GREM2: variants seen among roughly 807,000 people sequenced by gnomAD.
The protein encoded by GREM2 is gremlin 2, DAN family BMP antagonist.
In GREM2, 11 loss-of-function variants were observed where a neutral mutation model predicts 14.2. The ratio of observed to expected loss-of-function variants is 0.78; its 90% CI spans 0.49 to 1.28. The LOEUF is 1.28. GREM2 is among the 50% of genes most tolerant of loss of function. GREM2 has a pLI of 0.00. For missense variants in GREM2, 210 were observed against 218.5 expected, an observed-to-expected ratio of 0.96 and a Z score of 0.24; for synonymous variants, 98 against 97.6, an observed-to-expected ratio of 1.00 and a Z score of -0.02.
intron 1 of GREM2, among the ~76,000 whole-genome samples, chr1:240,563,515 C>G (rs1204172861): frequency 6.6e-6 from 1 of 152,100 alleles, no homozygotes; most frequent in East Asian, 1.9e-4. Flanking sequence ...TGTTCCGTGC[C>G]CAGCTATTAA....
At chr1:240,608,271 A>G (rs1199665602) in intron 1 of GREM2, among the ~76,000 whole-genome samples, 1 of 152,250 alleles carries the variant, frequency 6.6e-6, no homozygotes, top group Non-Finnish European at 1.5e-5. Context: ...TTTAAACATT[A>G]TCAATAAGAG....
chr1:240,567,974 T>A (rs1679198729), intron 1 of GREM2, among the ~76,000 whole-genome samples: 1 of 152,006 alleles, frequency 6.6e-6, no homozygotes, highest in Non-Finnish European at 1.5e-5. Context: ...CCAGATGTGG[T>A]GGAGTGTGCC....
At chr1:240,536,213 T>C (rs1194938581) in intron 1 of GREM2, among the ~76,000 whole-genome samples, 1 of 152,174 alleles carries the variant, frequency 6.6e-6, no homozygotes, top group Non-Finnish European at 1.5e-5. Flanking sequence ...CTTATTTGGA[T>C]GGGATATATT....
At chr1:240,524,491 A>G (rs1678178843) in intron 1 of GREM2, among the ~76,000 whole-genome samples, 2 of 152,250 alleles carry the variant, frequency 1.3e-5, no homozygotes, top group South Asian at 4.1e-4. Context: ...CATTTTGAAT[A>G]AGTGCAGAAT....
intron 1 of GREM2, among the ~76,000 whole-genome samples, chr1:240,552,655 T>C (rs1235424600): frequency 1.3e-5 from 2 of 152,214 alleles, no homozygotes; most frequent in African/African-American, 4.8e-5. Flanking sequence ...TGTCAGGAGA[T>C]CTGGTCTTGC....
At chr1:240,600,675 G>T (rs542039948) in intron 1 of GREM2, among the ~76,000 whole-genome samples, 69 of 152,060 alleles carry the variant, frequency 4.5e-4, no homozygotes, top group African/African-American at 1.6e-3. Context: ...ATAGAGACGG[G>T]GCTTCACCAT....
At chr1:240,574,248 T>C (rs984239745) in intron 1 of GREM2, among the ~76,000 whole-genome samples, 1 of 152,046 alleles carries the variant, frequency 6.6e-6, no homozygotes, top group East Asian at 1.9e-4. Flanking sequence ...TCTTTTCTGT[T>C]GTATAGAATT....
intron 1 of GREM2, among the ~76,000 whole-genome samples, chr1:240,562,315 C>T (rs957780997): frequency 6.6e-6 from 1 of 152,148 alleles, no homozygotes; most frequent in East Asian, 1.9e-4. Context: ...AATCTACAGT[C>T]GTGGCACTGG....
intron 1 of GREM2, among the ~76,000 whole-genome samples, chr1:240,507,648 C>T (rs1489282422): frequency 6.6e-6 from 1 of 151,964 alleles, no homozygotes; most frequent in Non-Finnish European, 1.5e-5. Flanking sequence ...ACCAGCTTTT[C>T]AAGGAAGTAA....
intron 1 of GREM2, among the ~76,000 whole-genome samples, chr1:240,504,667 A>T (rs148380766): frequency 1.3e-5 from 2 of 152,330 alleles, no homozygotes; most frequent in Non-Finnish European, 2.9e-5. Context: ...CTAAAAAGTA[A>T]ATGACTAATC....
intron 1 of GREM2, among the ~76,000 whole-genome samples, chr1:240,602,967 G>A (rs892100688): frequency 2.0e-5 from 3 of 152,038 alleles, no homozygotes; most frequent in African/African-American, 7.3e-5. Context: ...CAGCTACTCG[G>A]GAGGCTGAGG....
chr1:240,547,397 G>T (rs534951359), intron 1 of GREM2, among the ~76,000 whole-genome samples: 1 of 151,400 alleles, frequency 6.6e-6, no homozygotes, highest in Non-Finnish European at 1.5e-5. Flanking sequence ...CTACTCAAGA[G>T]GCTGAGGCAG....
At chr1:240,599,433 A>G (rs1380766835) in intron 1 of GREM2, among the ~76,000 whole-genome samples, 1 of 152,180 alleles carries the variant, frequency 6.6e-6, no homozygotes, top group Non-Finnish European at 1.5e-5. Flanking sequence ...ATCTGGCTAA[A>G]GAAGAACAGG....
intron 1 of GREM2, chr1:240,530,547 AAAGGTATC>A (rs1472056890): frequency 3.7e-4 from 56 of 152,230 alleles, no homozygotes; most frequent in Admixed American, 3.5e-3. Context: ...CCATGAAAAG[AAAGGTATC>A]TTAAAATTGT....
rs199526145 is a variant in GREM2, at chr1:240,532,640, T to TATAGATAG, written c.-1-39172_-1-39165dup. On this transcript the variant is annotated intron_variant, in intron 1 of 1. Transcript: ENST00000318160. ...ATAACCACTTTATATAAGAGATATATATAGATAGATAGATAGATAGATAGA... is the reference window on the plus strand; with the variant it reads ...ATAACCACTTTATATAAGAGATATATATAGATAGATAGATAGATAGATAGATAGATAGA... 8.8e-3 allele frequency among the ~76,000 whole-genome samples: 914 copies of TATAGATAG among 104,260 alleles called. 7 individuals carry two copies. The highest frequency in any genetic ancestry group is 0.015 in the African/African-American group (456 of 30,970). 68.4% of individuals were successfully genotyped at this position (104,260 alleles called of 152,430 possible).
intron 1 of GREM2, among the ~76,000 whole-genome samples, chr1:240,568,463 T>G (rs1055794051): frequency 6.6e-6 from 1 of 152,124 alleles, no homozygotes; most frequent in African/African-American, 2.4e-5. Flanking sequence ...TGTAGGATAA[T>G]AGACTTATAC....
intron 1 of GREM2, among the ~76,000 whole-genome samples, chr1:240,503,290 G>A (rs56088847): frequency 0.046 from 7,013 of 152,170 alleles, 418 homozygotes; most frequent in African/African-American, 0.14. Context: ...CCATCAACAA[G>A]ACCTCATCTT....
intron 1 of GREM2, among the ~76,000 whole-genome samples, chr1:240,609,212 T>A (rs1680086707): frequency 1.3e-5 from 2 of 151,996 alleles, no homozygotes; most frequent in East Asian, 1.9e-4. Context: ...TCACGTTCCA[T>A]CCCCTTAACA....
At chr1:240,508,997 T>C (rs80349705) in intron 1 of GREM2, among the ~76,000 whole-genome samples, 2 of 152,366 alleles carry the variant, frequency 1.3e-5, no homozygotes, top group African/African-American at 4.8e-5. Context: ...GACCAGAGAC[T>C]AATGCAGTGA....
Sources: allele counts gnomAD v4.1 joint callset (sites outside exome capture counted in the v4.1 genomes callset), GRCh38; gene constraint gnomAD v4.1.1; transcripts MANE v1.5; gene names NCBI Gene and HGNC (gene_info 2026-07-23, HGNC 2026-07-21).